ATM: variants seen among roughly 807,000 people sequenced by gnomAD.
The protein encoded by ATM is serine-protein kinase ATM.
In ATM, 308 loss-of-function variants were observed where a neutral mutation model predicts 387.0. The ratio of observed to expected loss-of-function variants is 0.80; its 90% CI spans 0.73 to 0.87. The LOEUF (loss-of-function observed/expected upper bound fraction) is 0.87, where lower values mean the gene tolerates loss of function less well. ATM is among the 40% of genes least tolerant of loss of function. The pLI, the probability that ATM is intolerant of heterozygous loss-of-function variation, is 0.00. For missense variants in ATM, 3,312 were observed against 3,560.9 expected (o/e 0.93, Z 1.78); for synonymous variants, 1,156 against 1,187.3 (o/e 0.97, Z 0.54).
chr11:108,251,842 C>A lies in ATM; in HGVS notation c.1613C>A (p.Ala538Glu). The A allele has an allele frequency of 6.2e-7, 1 of 1,613,688 alleles. No homozygotes were observed. Among genetic ancestry groups the A allele is most frequent in the Non-Finnish European group, 8.5e-7 (1 of 1,179,734 alleles). Reference sequence around the variant, plus strand: ...TGTCCTTTGTTTTGTTATAGTCCTGCAGTATGCTGTTTGACTTTGGCACTG... The same window carrying A: ...TGTCCTTTGTTTTGTTATAGTCCTGAAGTATGCTGTTTGACTTTGGCACTG... ...TGSACRPSCP[A>E]VCCLTLALTT... is the part of the protein sequence containing the mutation. The change falls in exon 11 of 63, where the codon GCA becomes GAA. Residue 538 changes from alanine (A) to glutamate (E), a missense_variant. This residue lies in a region of ATM where 1,791 missense variants were observed against 1,804.5 expected (regional missense o/e 0.99). Transcript: ENST00000675843.
intron 32 of ATM, 145 bp downstream of exon 32, chr11:108,295,204 A>G (rs2083055291): frequency 9.3e-7 from 1 of 1,077,856 alleles, no homozygotes. Flanking sequence ...ATCTAACTGT[A>G]AAACTGGTCC....
intron 61 of ATM, among the ~76,000 whole-genome samples, chr11:108,358,758 C>T (rs2090347508): frequency 6.8e-6 from 1 of 148,142 alleles, no homozygotes; most frequent in African/African-American, 2.5e-5. Flanking sequence ...GAGATTTTGT[C>T]ACCACCAGGC....
Position 108,322,721 on chromosome 11 carries a change from A to C in ATM, c.6572+1301A>C, listed in dbSNP as rs1463394086. On this transcript the variant is annotated intron_variant, in intron 45 of 62. Coordinates refer to ENST00000675843, the MANE Select transcript of ATM (RefSeq NM_000051.4). ...ATTTTCCAAAATAGTCACTGTAAAA[A>C]TTCAAGTTTAAAAAATTCAGCTTAA... Among the ~76,000 whole-genome samples the C allele has an allele frequency of 1.4e-4, 21 of 152,164 alleles. 1 individual carries two copies. Among genetic ancestry groups the C allele is most frequent in the Non-Finnish European group, 3.1e-4 (21 of 68,032 alleles).
rs2135737551 is a variant in ATM at position 108,287,696 on chromosome 11, G to A, written c.4090G>A (p.Asp1364Asn). ...AAATTCTAGTGCCAGTCAGAGCACT[G>A]ACCTCTGTGACTTTTCAGGGTATGT... The part of the protein sequence containing the change: ...PANSSASQST[D>N]LCDFSGDLDP... Residue 1364 changes from aspartate (D) to asparagine (N), a missense_variant, in exon 27 of 63, where the codon GAC (aspartate) becomes AAC (asparagine). Around this residue, in one of 4 missense-constraint regions of ATM, gnomAD observed 1,791 missense variants for 1,804.5 expected, o/e 0.99. Transcript: ENST00000675843. 1 of 1,612,340 alleles carries A rather than the reference G, an allele frequency of 6.2e-7. No homozygotes were observed. The highest frequency in any genetic ancestry group is 8.5e-7 in the Non-Finnish European group (1 of 1,178,666).
rs587781545 is a variant in ATM, at chr11:108,229,275, C to G, written c.283C>G (p.Gln95Glu). ...STQASRQKKM[Q>E]EISSLVKYFI... ...ACAAGCCTCCAGGCAGAAAAAGATGCAGGAAATCAGTAGTTTGGTCAAATA... is the reference window on the plus strand; with the variant it reads ...ACAAGCCTCCAGGCAGAAAAAGATGGAGGAAATCAGTAGTTTGGTCAAATA... Residue 95 changes from glutamine to glutamate, a missense_variant, in exon 4 of 63, where the codon CAG (glutamine) becomes GAG (glutamate). Coordinates refer to ENST00000675843, the MANE Select transcript of ATM (RefSeq NM_000051.4). 2 of 1,613,444 alleles carry G rather than the reference C, an allele frequency of 1.2e-6. No individual in the cohort carries two copies. Among genetic ancestry groups the G allele is most frequent in the Non-Finnish European group, 1.7e-6 (2 of 1,179,724 alleles).
At position 108,229,338 on chromosome 11, in the gene ATM, A is replaced by G; in HGVS notation, c.331+15A>G. On this transcript the variant is annotated intron_variant, in intron 4 of 62. Transcript: ENST00000675843. ...TGCAAACAGAAGTAAGTGATGTTAT[A>G]AATTATAAATAAATGGCTTAACAGA... 2 of 1,610,136 alleles carry G rather than the reference A, an allele frequency of 1.2e-6. No homozygotes were observed. Among genetic ancestry groups the G allele is most frequent in the Non-Finnish European group, 1.7e-6 (2 of 1,177,566 alleles).
Position 108,299,706 on chromosome 11 carries a change from A to G in ATM, c.5006-8A>G, listed in dbSNP as rs1057520447. ...ATGACTCTACTGAAATAGAATTTCT[A>G]TATGTAGAGGCTGTTGGAAGCTGCT... is the stretch of plus-strand genomic sequence containing the variant. On this transcript the variant is annotated splice_polypyrimidine_tract_variant and splice_region_variant and intron_variant, in intron 33 of 62. Coordinates refer to ENST00000675843, the MANE Select transcript of ATM (RefSeq NM_000051.4). 2.5e-6 allele frequency: 4 copies of G among 1,612,966 alleles called. No homozygotes were observed. Among genetic ancestry groups the G allele is most frequent in the African/African-American group, 1.3e-5 (1 of 74,990 alleles).
intron 42 of ATM, among the ~76,000 whole-genome samples, chr11:108,316,533 G>C (rs1306853185): frequency 6.6e-6 from 1 of 152,014 alleles, no homozygotes; most frequent in African/African-American, 2.4e-5. Flanking sequence ...ATACTCCTTA[G>C]CCATTCTTCC....
At chr11:108,315,708 A>G in intron 40 of ATM, 115 bp from the exon 41 acceptor site, 2 of 758,618 alleles carry the variant, frequency 2.6e-6, no homozygotes, top group South Asian at 1.6e-5. Context: ...TTATTTCTAT[A>G]ACATAACATT....
intron 40 of ATM, among the ~76,000 whole-genome samples, chr11:108,312,754 A>G (rs565715303): frequency 2.4e-4 from 36 of 152,320 alleles, no homozygotes; most frequent in African/African-American, 8.4e-4. Context: ...AGTTTATGCC[A>G]TGCATTTTCT....
chr11:108,341,682 C>G (rs901176890), intron 56 of ATM, among the ~76,000 whole-genome samples: 1 of 151,770 alleles, frequency 6.6e-6, no homozygotes, highest in Non-Finnish European at 1.5e-5. Flanking sequence ...TTAATTAGAA[C>G]AAAAAGGATC....
At position 108,361,879 on chromosome 11, in the gene ATM, T is replaced by C. The variant is rs1260288938; in HGVS notation, c.8851-3203T>C. ...AACCTAGGCATTACCATTCAGGACATAGGCATGGGCAAGGACTTCATGTCC... is the reference window on the plus strand; with the variant it reads ...AACCTAGGCATTACCATTCAGGACACAGGCATGGGCAAGGACTTCATGTCC... On this transcript the variant is annotated intron_variant, in intron 61 of 62. Coordinates refer to ENST00000675843, the MANE Select transcript of ATM (RefSeq NM_000051.4). Among the ~76,000 whole-genome samples, 68 of 151,032 alleles carry C rather than the reference T, an allele frequency of 4.5e-4. 1 individual carries two copies. Among genetic ancestry groups the C allele is most frequent in the African/African-American group, 1.5e-3 (62 of 41,116 alleles).
chr11:108,246,514 G>A (rs1456660238), intron 7 of ATM, among the ~76,000 whole-genome samples: 1 of 152,192 alleles, frequency 6.6e-6, no homozygotes, highest in Non-Finnish European at 1.5e-5. Flanking sequence ...TGTATAGTCA[G>A]CATTTTAAGT....
Position 108,251,840 on chromosome 11 carries a change from T to G in ATM, c.1611T>G (p.Pro537=). The change falls in exon 11 of 63, where the codon CCT becomes CCG. Residue 537 remains proline, a synonymous_variant. Coordinates refer to ENST00000675843, the MANE Select transcript of ATM (RefSeq NM_000051.4). ...FTGSACRPSC[P]AVCCLTLALT... is the part of the protein sequence containing the mutation. ...ATTGTCCTTTGTTTTGTTATAGTCC[T>G]GCAGTATGCTGTTTGACTTTGGCAC... 1 of 1,613,800 alleles carries G rather than the reference T, an allele frequency of 6.2e-7. No individual in the cohort carries two copies. The highest frequency in any genetic ancestry group is 1.3e-5 in the African/African-American group (1 of 75,050).
At position 108,235,908 on chromosome 11, in the gene ATM, G is replaced by C; in HGVS notation, c.496+74G>C. ...CTTCACCAAAGAAAGCACTCTGTCT[G>C]TATCTGTCTATATCCCCCAAGTGAC... On this transcript the variant is annotated intron_variant, in intron 5 of 62. Coordinates refer to ENST00000675843, the MANE Select transcript of ATM (RefSeq NM_000051.4). 5 of 1,540,252 alleles carry C rather than the reference G, an allele frequency of 3.2e-6. No individual in the cohort carries two copies. In the Middle Eastern group the frequency reaches 6.7e-4, roughly 208 times the overall value.
intron 20 of ATM, 142 bp downstream of exon 20, chr11:108,271,548 G>A: frequency 9.2e-7 from 1 of 1,084,246 alleles, no homozygotes; most frequent in Middle Eastern, 2.3e-4. Flanking sequence ...TGTAATTTGT[G>A]TTTCCCTCAG....
Position 108,244,780 on chromosome 11 carries a change from C to A in ATM, c.663-8C>A, listed in dbSNP as rs1060501661. On this transcript the variant is annotated splice_region_variant and splice_polypyrimidine_tract_variant and intron_variant, in intron 6 of 62. Transcript: ENST00000675843. ...TATACCCAGTTGAGCTTGTTTGTTT[C>A]TTCACAGACAAGAAAAGAGCTCTTC... 1 of 1,603,784 alleles carries A rather than the reference C, an allele frequency of 6.2e-7. No individual in the cohort carries two copies. The highest frequency in any genetic ancestry group is 1.7e-5 in the Admixed American group (1 of 59,902).
At chr11:108,312,579 C>A in intron 40 of ATM, 81 bp downstream of exon 40, 1 of 1,016,262 alleles carries the variant, frequency 9.8e-7, no homozygotes, top group Non-Finnish European at 1.5e-6. Flanking sequence ...TGTACAGATG[C>A]CATGTGATTT....
At chr11:108,341,802 G>C (rs1284222153) in intron 56 of ATM, among the ~76,000 whole-genome samples, 1 of 152,136 alleles carries the variant, frequency 6.6e-6, no homozygotes, top group Non-Finnish European at 1.5e-5. Flanking sequence ...ATTACCCTCA[G>C]ATTAGCAAAA....
Sources: gnomAD v4.1 joint callset for allele counts (sites outside exome capture counted in the v4.1 genomes callset) on GRCh38, gnomAD v4.1.1 for gene constraint, gnomAD v4.1.1 regional missense constraint, MANE v1.5 for transcripts, NCBI Gene and HGNC (gene_info 2026-07-23, HGNC 2026-07-21) for gene names.